THRB: variants seen among roughly 807,000 people sequenced by gnomAD.
THRB encodes thyroid hormone receptor beta.
A neutral mutation model predicts 47.8 loss-of-function variants in THRB; 12 were observed. That is an observed-to-expected ratio of 0.25 (90% CI 0.16 to 0.41). The LOEUF (loss-of-function observed/expected upper bound fraction) is 0.41. THRB is among the 10% of genes least tolerant of loss of function. The pLI is 1.00. For missense variants in THRB, 348 were observed against 589.2 expected (o/e 0.59, Z 4.24); for synonymous variants, 218 against 212.2 (o/e 1.03, Z -0.24).
chr3:24,205,281 C>G (rs2045181184), intron 4 of THRB, among the ~76,000 whole-genome samples: 1 of 152,162 alleles, frequency 6.6e-6, no homozygotes. Context: ...CAAAGGGAAG[C>G]CCATCAGACT....
intron 3 of THRB, among the ~76,000 whole-genome samples, chr3:24,293,728 T>C (rs1389151342): frequency 6.6e-6 from 1 of 152,182 alleles, no homozygotes; most frequent in Admixed American, 6.5e-5. Flanking sequence ...CCAAAGGCCA[T>C]CTAGGGTAGG....
intron 10 of THRB, among the ~76,000 whole-genome samples, chr3:24,124,748 C>T (rs938704579): frequency 4.6e-5 from 7 of 152,144 alleles, no homozygotes; most frequent in South Asian, 2.1e-4. Context: ...AAGAAAAAGT[C>T]TAAGATATTG....
At chr3:24,365,796 C>T (rs1231900416) in intron 1 of THRB, among the ~76,000 whole-genome samples, 2 of 152,078 alleles carry the variant, frequency 1.3e-5, no homozygotes, top group Admixed American at 1.3e-4. Context: ...ATTTCCTTCC[C>T]TATTGACTAC....
intron 1 of THRB, among the ~76,000 whole-genome samples, chr3:24,400,534 T>C (rs2067308579): frequency 6.7e-6 from 1 of 149,310 alleles, no homozygotes; most frequent in Non-Finnish European, 1.5e-5. Context: ...TCAAAAAGAG[T>C]TCAAGGTAGA....
In THRB at chr3:24,190,253, G is replaced by C; in HGVS notation, c.104C>G (p.Ala35Gly). The C allele has an allele frequency of 1.2e-6, 2 of 1,614,044 alleles. No homozygotes were observed. Among genetic ancestry groups the C allele is most frequent in the Non-Finnish European group, 1.7e-6 (2 of 1,179,962 alleles). ...TGAATGGCTCTTCCTATGTAGGCAG[G>C]CTTCAGACATTCCTACTAGCTTCCA... Reference protein sequence around the residue: ...HDWKLVGMSEACLHRKSHSER... With the variant: ...HDWKLVGMSEGCLHRKSHSER... The change falls in exon 5 of 11, where the codon GCC (alanine) becomes GGC (glycine). Residue 35 changes from alanine to glycine, a missense_variant. Ala to Gly is a moderately conservative substitution (Grantham distance 60). This residue lies in a region of THRB where 148 missense variants were observed against 122.3 expected (regional missense o/e 1.21). Coordinates refer to ENST00000646209, the MANE Select transcript of THRB (RefSeq NM_001354712.2).
intron 2 of THRB, among the ~76,000 whole-genome samples, chr3:24,330,479 T>C (rs2061856878): frequency 6.6e-6 from 1 of 152,226 alleles, no homozygotes; most frequent in Non-Finnish European, 1.5e-5. Flanking sequence ...GATCTGCGGG[T>C]ATTTGATCCA....
chr3:24,146,038 C>T (rs185988202), intron 7 of THRB, among the ~76,000 whole-genome samples: 46 of 152,296 alleles, frequency 3.0e-4, no homozygotes, highest in African/African-American at 1.1e-3. Context: ...GGGCTAATCT[C>T]GCCACCATAT....
At chr3:24,290,066 T>G (rs1467677122) in intron 3 of THRB, among the ~76,000 whole-genome samples, 1 of 152,240 alleles carries the variant, frequency 6.6e-6, no homozygotes, top group African/African-American at 2.4e-5. Context: ...AATTAGGTTG[T>G]GCTTTCCCTG....
At chr3:24,127,924 A>C (rs1251320663) in intron 9 of THRB, among the ~76,000 whole-genome samples, 167 bp from the exon 10 acceptor site, 1 of 152,220 alleles carries the variant, frequency 6.6e-6, no homozygotes, top group East Asian at 1.9e-4. Flanking sequence ...GACTTTCGAC[A>C]ACCATTTTTC....
intron 2 of THRB, among the ~76,000 whole-genome samples, chr3:24,310,303 T>C (rs969824513): frequency 2.0e-5 from 3 of 152,210 alleles, no homozygotes; most frequent in Admixed American, 1.3e-4. Flanking sequence ...ACCAATAACC[T>C]TTGCTTTTTA....
intron 1 of THRB, among the ~76,000 whole-genome samples, chr3:24,343,563 G>T (rs1375605281): frequency 6.6e-6 from 1 of 151,988 alleles, no homozygotes; most frequent in Non-Finnish European, 1.5e-5. Flanking sequence ...CTGTTTCCAA[G>T]ATACCATAAC....
At chr3:24,316,547 C>T (rs148757094) in intron 2 of THRB, among the ~76,000 whole-genome samples, 1 of 151,214 alleles carries the variant, frequency 6.6e-6, no homozygotes, top group Non-Finnish European at 1.5e-5. Flanking sequence ...ATTGTCAACT[C>T]ACCTGATGCC....
chr3:24,198,176 C>G (rs2044176830), intron 4 of THRB, among the ~76,000 whole-genome samples: 1 of 152,134 alleles, frequency 6.6e-6, no homozygotes, highest in Non-Finnish European at 1.5e-5. Context: ...GGAACTCTGC[C>G]CCAGCTGATG....
intron 2 of THRB, among the ~76,000 whole-genome samples, chr3:24,307,233 A>G (rs949672805): frequency 1.3e-4 from 19 of 151,988 alleles, no homozygotes; most frequent in African/African-American, 4.6e-4. Flanking sequence ...GAGAAATAAC[A>G]TGGTAAAGTC....
intron 1 of THRB, among the ~76,000 whole-genome samples, chr3:24,463,140 A>C (rs562246656): frequency 3.3e-5 from 5 of 152,380 alleles, no homozygotes; most frequent in South Asian, 4.1e-4. Flanking sequence ...AGGAAGAAAT[A>C]TCTGAAACCT....
At chr3:24,471,712 A>C (rs1473739727) in intron 1 of THRB, among the ~76,000 whole-genome samples, 1 of 152,182 alleles carries the variant, frequency 6.6e-6, no homozygotes. Context: ...AACCCTCTCT[A>C]GTCTGCTGCT....
intron 6 of THRB, among the ~76,000 whole-genome samples, chr3:24,148,649 T>C (rs1268739649): frequency 6.6e-6 from 1 of 152,342 alleles, no homozygotes. Flanking sequence ...TATCAGTTGA[T>C]CTAGATTCAG....
chr3:24,370,628 C>A (rs1329128329), intron 1 of THRB, among the ~76,000 whole-genome samples: 2 of 152,070 alleles, frequency 1.3e-5, no homozygotes, highest in African/African-American at 2.4e-5. Flanking sequence ...CCTCACTAGT[C>A]TGGGGACAGT....
Position 24,239,484 on chromosome 3 carries a change from A to G in THRB, c.-42-10483T>C, listed in dbSNP as rs150556189. On this transcript the variant is annotated intron_variant, in intron 3 of 10. Transcript: ENST00000646209. ...GGGACACTAAATGAGAATTTACATC[A>G]TCATTATTATTATTTGATGGAGTCT... Among the ~76,000 whole-genome samples, 567 of 152,084 alleles carry G rather than the reference A, an allele frequency of 3.7e-3. 3 individuals are homozygous for G. The highest frequency in any genetic ancestry group is 0.013 in the African/African-American group (551 of 41,524).
Sources: allele counts gnomAD v4.1 joint callset (sites outside exome capture counted in the v4.1 genomes callset), GRCh38; gene constraint gnomAD v4.1.1; regional missense constraint gnomAD v4.1.1; transcripts MANE v1.5; gene names NCBI Gene and HGNC (gene_info 2026-07-23, HGNC 2026-07-21).